Variants in TAFA5 observed in about 807,000 individuals in gnomAD.
TAFA5 encodes the protein chemokine-like protein TAFA-5.
TAFA5 carries 6 observed loss-of-function variants against 15.3 expected under a neutral mutation model. The observed-to-expected ratio is 0.39, with a 90% CI of 0.21 to 0.77. The LOEUF (loss-of-function observed/expected upper bound fraction) is 0.77, where lower values mean the gene tolerates loss of function less well. TAFA5 is among the 30% of genes least tolerant of loss of function. TAFA5 has a pLI of 0.41. For missense variants in TAFA5, 161 were observed against 193.1 expected, an observed-to-expected ratio of 0.83 and a Z score of 0.98; for synonymous variants, 103 against 80.7, an observed-to-expected ratio of 1.28 and a Z score of -1.48.
chr22:48,531,257 G>A (rs1921962136), intron 1 of TAFA5, among the ~76,000 whole-genome samples: 1 of 152,256 alleles, frequency 6.6e-6, no homozygotes, highest in Non-Finnish European at 1.5e-5. Flanking sequence ...CCAGTCCCAG[G>A]CTTGTCCTGC....
At chr22:48,501,975 G>C (rs1308344073) in intron 1 of TAFA5, among the ~76,000 whole-genome samples, 4 of 152,194 alleles carry the variant, frequency 2.6e-5, no homozygotes, top group African/African-American at 9.7e-5. Context: ...CCGCCTGCCT[G>C]GTCTTCAGGT....
intron 1 of TAFA5, among the ~76,000 whole-genome samples, chr22:48,493,082 C>A (rs1273471675): frequency 6.6e-6 from 1 of 152,186 alleles, no homozygotes; most frequent in Non-Finnish European, 1.5e-5. Flanking sequence ...GGGAGAGAAG[C>A]AAATGAGGAC....
chr22:48,651,662 G>C (rs1481887613), intron 2 of TAFA5, among the ~76,000 whole-genome samples: 1 of 152,200 alleles, frequency 6.6e-6, no homozygotes, highest in Non-Finnish European at 1.5e-5. Flanking sequence ...GCAGCCTTAG[G>C]CGGGTGGACG....
At chr22:48,535,870 A>C (rs918804764) in intron 1 of TAFA5, among the ~76,000 whole-genome samples, 1 of 151,642 alleles carries the variant, frequency 6.6e-6, no homozygotes, top group African/African-American at 2.4e-5. Flanking sequence ...CGGCACATGT[A>C]TGAGCACTCG....
At chr22:48,654,732 G>A (rs8140223) in intron 2 of TAFA5, among the ~76,000 whole-genome samples, 29,499 of 152,186 alleles carry the variant, frequency 0.19, 3,139 homozygotes, top group Non-Finnish European at 0.23. Flanking sequence ...ACTGTCTGGC[G>A]TGGAGGAAAA....
chr22:48,534,396 G>T (rs1313963349), intron 1 of TAFA5, among the ~76,000 whole-genome samples: 8 of 152,144 alleles, frequency 5.3e-5, no homozygotes, highest in Non-Finnish European at 1.5e-5. Context: ...TCCTCCGGGG[G>T]TCTGCAGAGG....
intron 1 of TAFA5, among the ~76,000 whole-genome samples, chr22:48,580,731 C>G (rs759870746): frequency 5.3e-5 from 8 of 152,234 alleles, no homozygotes; most frequent in Non-Finnish European, 8.8e-5. Context: ...GCCTGCACCC[C>G]TGCACCCAGT....
At chr22:48,568,902 A>G (rs943511999) in intron 1 of TAFA5, among the ~76,000 whole-genome samples, 3 of 152,180 alleles carry the variant, frequency 2.0e-5, no homozygotes, top group African/African-American at 7.2e-5. Flanking sequence ...AGGGCAGATG[A>G]GGACAGAGCA....
At chr22:48,744,501 C>T (rs190808469) in intron 3 of TAFA5, among the ~76,000 whole-genome samples, 13 of 152,256 alleles carry the variant, frequency 8.5e-5, no homozygotes, top group African/African-American at 2.2e-4. Context: ...GGATTGGAGC[C>T]GGGTCCCAGT....
intron 1 of TAFA5, among the ~76,000 whole-genome samples, chr22:48,528,603 C>T (rs139718489): frequency 5.9e-5 from 9 of 152,280 alleles, no homozygotes; most frequent in South Asian, 2.1e-4. Context: ...GATGTGGCCT[C>T]GGGGACTGTG....
intron 2 of TAFA5, among the ~76,000 whole-genome samples, chr22:48,675,405 G>A (rs1203898128): frequency 1.3e-5 from 2 of 152,244 alleles, no homozygotes; most frequent in South Asian, 4.1e-4. Context: ...AGCCTTCAGG[G>A]ATCAGCCTGG....
At chr22:48,737,838 C>T (rs12169837) in intron 3 of TAFA5, among the ~76,000 whole-genome samples, 13,281 of 152,220 alleles carry the variant, frequency 0.087, 1,734 homozygotes, top group African/African-American at 0.29. Context: ...CTTCCACCTC[C>T]CAGGGAGCTG....
intron 2 of TAFA5, among the ~76,000 whole-genome samples, chr22:48,693,539 G>T (rs1252444674): frequency 6.6e-6 from 1 of 152,196 alleles, no homozygotes; most frequent in Non-Finnish European, 1.5e-5. Context: ...CAGGAGGGGC[G>T]GCTGGGCCTG....
intron 2 of TAFA5, among the ~76,000 whole-genome samples, chr22:48,687,303 G>A (rs928473746): frequency 2.7e-5 from 4 of 150,770 alleles, no homozygotes; most frequent in Non-Finnish European, 5.9e-5. Flanking sequence ...TGGGTGGATG[G>A]GTGGGTGGAT....
chr22:48,581,006 G>T (rs1165379362), intron 1 of TAFA5, among the ~76,000 whole-genome samples: 1 of 152,242 alleles, frequency 6.6e-6, no homozygotes, highest in African/African-American at 2.4e-5. Context: ...GACGCTGTTT[G>T]CAAGGCCAGG....
At chr22:48,640,792 TC>T (rs1436650055) in intron 1 of TAFA5, among the ~76,000 whole-genome samples, 1 of 151,930 alleles carries the variant, frequency 6.6e-6, no homozygotes, top group African/African-American at 2.4e-5. Flanking sequence ...CTGCCCAGGC[TC>T]CCCAGTTGGG....
At chr22:48,587,871 G>C (rs1046302354) in intron 1 of TAFA5, among the ~76,000 whole-genome samples, 2 of 152,278 alleles carry the variant, frequency 1.3e-5, no homozygotes, top group Non-Finnish European at 2.9e-5. Context: ...GCGGCCTTCT[G>C]CCTGCCCTCA....
intron 1 of TAFA5, among the ~76,000 whole-genome samples, chr22:48,567,505 G>C (rs1427346627): frequency 6.6e-6 from 1 of 152,206 alleles, no homozygotes; most frequent in Non-Finnish European, 1.5e-5. Flanking sequence ...TCGTGGGTGC[G>C]GGTCTGGAGA....
At chr22:48,696,205 G>A (rs1928706787) in intron 2 of TAFA5, among the ~76,000 whole-genome samples, 1 of 152,208 alleles carries the variant, frequency 6.6e-6, no homozygotes. Flanking sequence ...GAAGGAGACT[G>A]TGCCAGCCAC....
Sources: allele counts gnomAD v4.1 joint callset (sites outside exome capture counted in the v4.1 genomes callset), GRCh38; gene constraint gnomAD v4.1.1; transcripts MANE v1.5; gene names NCBI Gene and HGNC (gene_info 2026-07-23, HGNC 2026-07-21).